The following COL23A1 variants were observed in gnomAD, a reference collection of about 807,000 sequenced individuals.
The protein encoded by COL23A1 is collagen type XXIII alpha 1 chain.
COL23A1 carries 97 observed loss-of-function variants against 99.3 expected under a neutral mutation model. The observed-to-expected ratio is 0.98, with a 90% CI of 0.83 to 1.16. The LOEUF (loss-of-function observed/expected upper bound fraction) is 1.16, where lower values mean the gene tolerates loss of function less well. Among genes scored for constraint, COL23A1 ranks in the 50% most tolerant of loss-of-function variants. COL23A1 has a pLI of 0.00. For missense variants in COL23A1, 762 were observed against 757.4 expected (o/e 1.01, Z -0.07); for synonymous variants, 320 against 308.2 (o/e 1.04, Z -0.40).
chr5:178,444,881 T>C (rs1767074022), intron 2 of COL23A1, among the ~76,000 whole-genome samples: 1 of 152,130 alleles, frequency 6.6e-6, no homozygotes, highest in Non-Finnish European at 1.5e-5. Flanking sequence ...GTAGGTGAAA[T>C]GGGGAAATAT....
intron 3 of COL23A1, among the ~76,000 whole-genome samples, chr5:178,304,317 T>G (rs1439379532): frequency 6.6e-6 from 1 of 152,084 alleles, no homozygotes; most frequent in East Asian, 1.9e-4. Flanking sequence ...AAGACCAGCC[T>G]GGCCAACGTG....
chr5:178,240,016 T>C (rs1012369430), intron 27 of COL23A1, among the ~76,000 whole-genome samples: 4 of 152,126 alleles, frequency 2.6e-5, no homozygotes, highest in African/African-American at 7.2e-5. Flanking sequence ...GGCCCAGGAA[T>C]TGGCATCCTG....
At chr5:178,257,897 A>T (rs1765395154) in intron 12 of COL23A1, among the ~76,000 whole-genome samples, 1 of 152,314 alleles carries the variant, frequency 6.6e-6, no homozygotes, top group East Asian at 1.9e-4. Context: ...GGCCAAGGAA[A>T]ATATTCAAAT....
chr5:178,392,836 G>A (rs11748243), intron 2 of COL23A1, among the ~76,000 whole-genome samples: 22,227 of 152,228 alleles, frequency 0.15, 1,958 homozygotes, highest in Middle Eastern at 0.24. Flanking sequence ...AAGACCCAAC[G>A]TGGCCAAGCA....
intron 1 of COL23A1, among the ~76,000 whole-genome samples, chr5:178,561,030 AG>A (rs1185459047): frequency 1.3e-5 from 2 of 152,242 alleles, no homozygotes; most frequent in East Asian, 1.9e-4. Flanking sequence ...GAGTTACGAC[AG>A]AAACAGCGTC....
intron 1 of COL23A1, among the ~76,000 whole-genome samples, chr5:178,570,792 T>G (rs1265482562): frequency 6.6e-6 from 1 of 151,986 alleles, no homozygotes; most frequent in East Asian, 1.9e-4. Flanking sequence ...CCTCCCGAAT[T>G]GAAGACATGG....
intron 2 of COL23A1, among the ~76,000 whole-genome samples, chr5:178,429,404 G>C (rs1766131775): frequency 6.6e-6 from 1 of 152,190 alleles, no homozygotes; most frequent in Non-Finnish European, 1.5e-5. Flanking sequence ...AAAACAAAAT[G>C]CCAGGACCTC....
intron 2 of COL23A1, among the ~76,000 whole-genome samples, chr5:178,533,197 G>A (rs1422236812): frequency 6.6e-6 from 1 of 152,184 alleles, no homozygotes; most frequent in Non-Finnish European, 1.5e-5. Flanking sequence ...TTGCGGTAAA[G>A]TGTATGCAGC....
intron 2 of COL23A1, among the ~76,000 whole-genome samples, chr5:178,368,881 C>T (rs928157046): frequency 6.6e-6 from 1 of 152,270 alleles, no homozygotes; most frequent in Admixed American, 6.5e-5. Context: ...GGCTCCAGGG[C>T]AGATATGCCC....
At chr5:178,254,133 C>T (rs141660477) in intron 16 of COL23A1, among the ~76,000 whole-genome samples, 1,830 of 152,198 alleles carry the variant, frequency 0.012, 37 homozygotes, top group African/African-American at 0.042. Flanking sequence ...CCAGCCTGGG[C>T]GACAAGAGTG....
intron 2 of COL23A1, among the ~76,000 whole-genome samples, chr5:178,391,729 T>C (rs1581292923): frequency 6.6e-6 from 1 of 152,260 alleles, no homozygotes; most frequent in East Asian, 1.9e-4. Context: ...TCTGCTCCTA[T>C]TTACCCAAGA....
At position 178,563,963 on chromosome 5, in the gene COL23A1, G is replaced by C. The variant is rs184669432; in HGVS notation, c.295-3215C>G. Among the ~76,000 whole-genome samples the C allele has an allele frequency of 2.6e-5, 4 of 152,340 alleles. No individual in the cohort carries two copies. The East Asian group carries it at 7.7e-4, about 29-fold the overall frequency. On this transcript the variant is annotated intron_variant, in intron 1 of 28. Coordinates refer to ENST00000390654, the MANE Select transcript of COL23A1 (RefSeq NM_173465.4). ...GAAACTCTCATCTGTTTTTATCAGT[G>C]CTAGACAGGACAGAAAGGACTTCCA...
At chr5:178,294,059 G>T (rs1468368932) in intron 3 of COL23A1, among the ~76,000 whole-genome samples, 1 of 152,068 alleles carries the variant, frequency 6.6e-6, no homozygotes, top group Non-Finnish European at 1.5e-5. Flanking sequence ...TGGGATCAGA[G>T]ATGGCTTCTA....
Position 178,340,739 on chromosome 5 carries a change from C to T in COL23A1, c.362-33820G>A, listed in dbSNP as rs887322324. 1.5e-4 allele frequency among the ~76,000 whole-genome samples: 23 copies of T among 152,292 alleles called. No individual in the cohort carries two copies. Among genetic ancestry groups the T allele is most frequent in the African/African-American group, 5.1e-4 (21 of 41,570 alleles). On this transcript the variant is annotated intron_variant, in intron 2 of 28. Transcript: ENST00000390654. The surrounding 1 kb of genome is among the most constrained non-coding windows in gnomAD (Gnocchi z 4.7). ...CCCAGGGGCAGTGAGGGAGTCTCACCGGAATGGAGGTGGGCGGGAATGGAG... is the reference window on the plus strand; with the variant it reads ...CCCAGGGGCAGTGAGGGAGTCTCACTGGAATGGAGGTGGGCGGGAATGGAG...
At chr5:178,311,123 G>C (rs2127611235) in intron 2 of COL23A1, among the ~76,000 whole-genome samples, 1 of 152,284 alleles carries the variant, frequency 6.6e-6, no homozygotes, top group South Asian at 2.1e-4. Flanking sequence ...TGGCTGCTGG[G>C]GAACGACAGT....
In COL23A1 at chr5:178,384,721, C is replaced by G. The variant is rs4331921; in HGVS notation, c.362-77802G>C. On this transcript the variant is annotated intron_variant, in intron 2 of 28. Transcript: ENST00000390654. The surrounding 1 kb of genome is among the most constrained non-coding windows in gnomAD (Gnocchi z 5.5). The stretch of plus-strand genomic sequence containing the variant: ...GGGCCTCACCCACTGAATCAGAGTG[C>G]GCGCTCACAGGGTGCACATATAACA... Among the ~76,000 whole-genome samples, 2,366 of 152,290 alleles carry G rather than the reference C, an allele frequency of 0.016. 70 individuals carry two copies. Among genetic ancestry groups the G allele is most frequent in the African/African-American group, 0.053 (2,207 of 41,556 alleles).
chr5:178,282,514 C>G (rs1169948062), intron 5 of COL23A1, among the ~76,000 whole-genome samples: 1 of 152,218 alleles, frequency 6.6e-6, no homozygotes. Flanking sequence ...CTACTGTAGA[C>G]AGCTTGAGAG....
chr5:178,555,218 T>C (rs1007687458), intron 2 of COL23A1, among the ~76,000 whole-genome samples: 3 of 152,170 alleles, frequency 2.0e-5, no homozygotes, highest in Non-Finnish European at 2.9e-5. Context: ...TAAGGCCTCA[T>C]GTCACCTACT....
At chr5:178,375,313 G>T (rs192768365) in intron 2 of COL23A1, among the ~76,000 whole-genome samples, 1 of 152,198 alleles carries the variant, frequency 6.6e-6, no homozygotes, top group Non-Finnish European at 1.5e-5. Flanking sequence ...GCTTTCTTCC[G>T]CAGGGGATGA....
Sources: allele counts gnomAD v4.1 joint callset (sites outside exome capture counted in the v4.1 genomes callset), GRCh38; gene constraint gnomAD v4.1.1; non-coding constraint Gnocchi (gnomAD v3.1); transcripts MANE v1.5; gene names NCBI Gene and HGNC (gene_info 2026-07-23, HGNC 2026-07-21).